The following AJAP1 variants were observed in gnomAD, a reference collection of about 807,000 sequenced individuals.
AJAP1 encodes the protein adherens junction-associated protein 1.
In AJAP1, 5 loss-of-function variants were observed where a neutral mutation model predicts 35.0. The observed-to-expected ratio is 0.14, with a 90% CI of 0.07 to 0.30. The LOEUF (loss-of-function observed/expected upper bound fraction) is 0.30, where lower values mean the gene tolerates loss of function less well. AJAP1 is among the 10% of genes least tolerant of loss of function. The pLI, the probability that AJAP1 is intolerant of heterozygous loss-of-function variation, is 1.00. For synonymous variants in AJAP1, 284 were observed against 249.3 expected, an observed-to-expected ratio of 1.14 and a Z score of -1.31; for missense variants, 586 against 571.0, an observed-to-expected ratio of 1.03 and a Z score of -0.27.
Position 4,655,290 on chromosome 1 carries a change from C to G in AJAP1, c.-136C>G, listed in dbSNP as rs916047207. ...CCGCGCTCTGACTCGCTGTGCGCCC[C>G]GCGGCCGGCGGGCGGCGGGAGGCGG... On this transcript the variant is annotated 5_prime_UTR_variant, in exon 1 of 6. Coordinates refer to ENST00000378191, the MANE Select transcript of AJAP1 (RefSeq NM_018836.4). The surrounding 1 kb of genome is among the most constrained non-coding windows in gnomAD (Gnocchi z 6.9). 1.6e-6 allele frequency: 1 copy of G among 608,900 alleles called. No homozygotes were observed. Among genetic ancestry groups the G allele is most frequent in the Non-Finnish European group, 2.2e-6 (1 of 464,548 alleles). The allele number at this position is 608,900 out of a possible 1,614,324, so 37.7% of individuals were successfully genotyped here. A position where few individuals can be genotyped will look rare whatever the true frequency, so the allele number is the denominator to read the frequency against.
chr1:4,740,801 A>AAC (rs1641049690), intron 2 of AJAP1, among the ~76,000 whole-genome samples: 3 of 148,270 alleles, frequency 2.0e-5, no homozygotes, highest in African/African-American at 7.4e-5. Context: ...AAAAAAAAAA[A>AAC]AAAAGCGGGG....
intron 1 of AJAP1, among the ~76,000 whole-genome samples, chr1:4,694,741 A>AGCTG (rs1557612495): frequency 6.6e-6 from 1 of 152,216 alleles, no homozygotes; most frequent in Non-Finnish European, 1.5e-5. Context: ...GCAGGTGCGC[A>AGCTG]GCTGGGGGTG....
chr1:4,665,490 G>A (rs1210666016), intron 1 of AJAP1, among the ~76,000 whole-genome samples: 1 of 152,176 alleles, frequency 6.6e-6, no homozygotes, highest in African/African-American at 2.4e-5. Context: ...TTGATTCTCT[G>A]CACAGAAGCC....
At chr1:4,662,941 G>A (rs950230530) in intron 1 of AJAP1, among the ~76,000 whole-genome samples, 24 of 152,290 alleles carry the variant, frequency 1.6e-4, no homozygotes, top group Middle Eastern at 3.4e-3. Flanking sequence ...AGGGGAGAGG[G>A]TCAGTGGTCT....
At chr1:4,769,580 C>A (rs1443609988) in intron 2 of AJAP1, among the ~76,000 whole-genome samples, 2 of 152,180 alleles carry the variant, frequency 1.3e-5, no homozygotes, top group Non-Finnish European at 1.5e-5. Context: ...ATCCAGGTCA[C>A]GGCTTGGAGA....
intron 2 of AJAP1, among the ~76,000 whole-genome samples, chr1:4,737,889 G>A (rs12733779): frequency 0.018 from 2,802 of 152,220 alleles, 44 homozygotes; most frequent in Non-Finnish European, 0.027. Context: ...GCGACAGAGC[G>A]AGACCCTCTT....
chr1:4,690,363 TTGTG>T (rs1274434009), intron 1 of AJAP1, among the ~76,000 whole-genome samples: 1 of 152,086 alleles, frequency 6.6e-6, no homozygotes, highest in Non-Finnish European at 1.5e-5. Flanking sequence ...TTTCAGCTAC[TTGTG>T]TGACCTCTTG....
intron 1 of AJAP1, among the ~76,000 whole-genome samples, chr1:4,700,215 G>T (rs1557614702): frequency 1.3e-5 from 2 of 152,086 alleles, no homozygotes; most frequent in Admixed American, 1.3e-4. Flanking sequence ...CACCCTTCTT[G>T]CCCACCACCC....
At chr1:4,674,042 C>CAAAA (rs57335438) in intron 1 of AJAP1, among the ~76,000 whole-genome samples, 7 of 81,904 alleles carry the variant, frequency 8.5e-5, no homozygotes, top group South Asian at 5.6e-4. Context: ...CCCCCGCCAC[C>CAAAA]AAAAAAAAAA....
chr1:4,662,607 CAG>C (rs1407990508), intron 1 of AJAP1, among the ~76,000 whole-genome samples: 2 of 152,174 alleles, frequency 1.3e-5, no homozygotes, highest in African/African-American at 4.8e-5. Flanking sequence ...TTTATAACCA[CAG>C]ACGTCAGTGC....
rs70955802 is a variant in AJAP1, at chr1:4,748,747, C to CAAAA, written c.830-21082_830-21079dup. 1.4e-3 allele frequency among the ~76,000 whole-genome samples: 139 copies of CAAAA among 98,270 alleles called. 6 individuals are homozygous for CAAAA. The South Asian group carries it at 0.032, about 23-fold the overall frequency. 64.5% of individuals were successfully genotyped at this position (98,270 alleles called of 152,430 possible). Reference sequence around the variant, plus strand: ...TGGGTGACAGAGTGAGACTCTGTCTCAAAAAAAAAAAAAAAAAAAAAAAAA... The same window carrying CAAAA: ...TGGGTGACAGAGTGAGACTCTGTCTCAAAAAAAAAAAAAAAAAAAAAAAAAAAAA... On this transcript the variant is annotated intron_variant, in intron 2 of 5. Coordinates refer to ENST00000378191, the MANE Select transcript of AJAP1 (RefSeq NM_018836.4).
chr1:4,694,216 CG>C (rs201050492), intron 1 of AJAP1, among the ~76,000 whole-genome samples: 13 of 151,876 alleles, frequency 8.6e-5, no homozygotes, highest in Non-Finnish European at 1.0e-4. Flanking sequence ...GCTCCTTTGC[CG>C]GGGGGGGATG....
At chr1:4,771,704 C>T (rs1377849583) in intron 3 of AJAP1, among the ~76,000 whole-genome samples, 1 of 152,192 alleles carries the variant, frequency 6.6e-6, no homozygotes, top group African/African-American at 2.4e-5. Flanking sequence ...CAGGACACTT[C>T]CCTCTGCAGA....
At chr1:4,677,338 C>T (rs994959515) in intron 1 of AJAP1, among the ~76,000 whole-genome samples, 7 of 152,106 alleles carry the variant, frequency 4.6e-5, no homozygotes, top group African/African-American at 1.7e-4. Flanking sequence ...TGTAGGGCTC[C>T]TAAAGGTTGA....
At chr1:4,657,438 C>T (rs963999785) in intron 1 of AJAP1, among the ~76,000 whole-genome samples, 7 of 152,120 alleles carry the variant, frequency 4.6e-5, no homozygotes, top group African/African-American at 1.7e-4. Context: ...GAGGCCTGTA[C>T]CCAGAGGGTC....
chr1:4,712,160 G>C lies in AJAP1; in HGVS notation c.290G>C (p.Arg97Pro). The change falls in exon 2 of 6, where the codon CGA (arginine) becomes CCA (proline). Residue 97 changes from arginine (R) to proline (P), a missense_variant. Coordinates refer to ENST00000378191, the MANE Select transcript of AJAP1 (RefSeq NM_018836.4). ...ERIHGQMQMP[R>P]ARRAHRPRDQ... Reference sequence around the variant, plus strand: ...ATCCACGGGCAGATGCAGATGCCTCGAGCCAGACGGGCCCACAGGCCCCGG... The same window carrying C: ...ATCCACGGGCAGATGCAGATGCCTCCAGCCAGACGGGCCCACAGGCCCCGG... 2 of 1,564,036 alleles carry C rather than the reference G, an allele frequency of 1.3e-6. No individual in the cohort carries two copies. Among genetic ancestry groups the C allele is most frequent in the Non-Finnish European group, 1.7e-6 (2 of 1,161,144 alleles).
chr1:4,755,503 T>G (rs981676679), intron 2 of AJAP1, among the ~76,000 whole-genome samples: 3 of 152,074 alleles, frequency 2.0e-5, no homozygotes, highest in Non-Finnish European at 2.9e-5. Flanking sequence ...GTTTGCAAGC[T>G]TCCGGCCTTG....
chr1:4,752,374 C>T (rs1190299304), intron 2 of AJAP1, among the ~76,000 whole-genome samples: 5 of 151,996 alleles, frequency 3.3e-5, no homozygotes, highest in South Asian at 4.2e-4. Flanking sequence ...CAAGAGAGGA[C>T]GTCATGATCA....
At chr1:4,748,471 G>T (rs1641244300) in intron 2 of AJAP1, among the ~76,000 whole-genome samples, 4 of 152,040 alleles carry the variant, frequency 2.6e-5, no homozygotes, top group South Asian at 4.1e-4. Context: ...GCTCTGGCTG[G>T]GTGCGGTGTC....
Sources: gnomAD v4.1 joint callset for allele counts (sites outside exome capture counted in the v4.1 genomes callset) on GRCh38, gnomAD v4.1.1 for gene constraint, Gnocchi (gnomAD v3.1) non-coding constraint, MANE v1.5 for transcripts, NCBI Gene and HGNC (gene_info 2026-07-23, HGNC 2026-07-21) for gene names.